KCNMA1: variants seen among roughly 807,000 people sequenced by gnomAD.
The protein encoded by KCNMA1 is potassium calcium-activated channel subfamily M alpha 1, also known as Calcium-activated potassium channel subunit alpha-1.
A neutral mutation model predicts 140.0 loss-of-function variants in KCNMA1; 29 were observed. The observed-to-expected ratio is 0.21, with a 90% CI of 0.15 to 0.28. The LOEUF is 0.28. Among genes scored for constraint, KCNMA1 ranks in the 10% least tolerant of loss-of-function variants. The probability of loss-of-function intolerance (pLI) is 1.00; values close to 1 mark genes in which losing one functional copy is unlikely to be tolerated. For synonymous variants in KCNMA1, 612 were observed against 611.9 expected (o/e 1.00, Z 0.00); for missense variants, 880 against 1,602.2 (o/e 0.55, Z 7.70).
intron 9 of KCNMA1, among the ~76,000 whole-genome samples, chr10:77,093,379 T>C (rs984464297): frequency 6.6e-6 from 1 of 152,214 alleles, no homozygotes; most frequent in Non-Finnish European, 1.5e-5. Context: ...GTCCTATATC[T>C]GATTTGAAGA....
chr10:77,398,732 T>C (rs1029495191), intron 2 of KCNMA1, among the ~76,000 whole-genome samples: 3 of 152,242 alleles, frequency 2.0e-5, no homozygotes, highest in South Asian at 2.1e-4. Context: ...GGAGCCCACA[T>C]GGTCTGCAAG....
chr10:77,516,959 T>G (rs1603631865), intron 1 of KCNMA1, among the ~76,000 whole-genome samples: 2 of 138,934 alleles, frequency 1.4e-5, no homozygotes, highest in African/African-American at 2.8e-5. Flanking sequence ...GAAGTGAGGG[T>G]GAGGGTGTTT....
chr10:77,071,155 G>C (rs1361648757), intron 14 of KCNMA1: 3 of 152,262 alleles, frequency 2.0e-5, no homozygotes, highest in Non-Finnish European at 4.4e-5. Flanking sequence ...CTTGGCTTTA[G>C]AGGTGAGGCC....
In KCNMA1 at chr10:77,500,051, T is replaced by C. The variant is rs140967827; in HGVS notation, c.379-96028A>G. ...CCATTGGCAAAATATGGTTGAACAA[T>C]AGTTTTAAATACTTGAGAGGCAGCA... On this transcript the variant is annotated intron_variant, in intron 1 of 27. Coordinates refer to ENST00000286628, the MANE Select transcript of KCNMA1 (RefSeq NM_001161352.2). Among the ~76,000 whole-genome samples, 522 of 152,016 alleles carry C rather than the reference T, an allele frequency of 3.4e-3. 4 individuals are homozygous for C. Among genetic ancestry groups the C allele is most frequent in the African/African-American group, 0.011 (473 of 41,538 alleles).
intron 17 of KCNMA1, chr10:77,012,663 C>T (rs1041067083): frequency 1.1e-6 from 1 of 880,724 alleles, no homozygotes; most frequent in East Asian, 2.6e-5. Context: ...GACCAATTCC[C>T]ATGCTATCCA....
intron 1 of KCNMA1, among the ~76,000 whole-genome samples, chr10:77,545,505 AGAACCT>A (rs2061241598): frequency 6.6e-6 from 1 of 152,182 alleles, no homozygotes. Flanking sequence ...TAAACTCCCC[AGAACCT>A]GATTTTCACA....
chr10:76,964,149 C>G (rs1329093380), intron 20 of KCNMA1, among the ~76,000 whole-genome samples: 1 of 151,838 alleles, frequency 6.6e-6, no homozygotes, highest in Non-Finnish European at 1.5e-5. Flanking sequence ...TGCCCACCAC[C>G]CTCTCCCCAT....
At chr10:77,081,061 T>G (rs953706617) in intron 12 of KCNMA1, among the ~76,000 whole-genome samples, 21 of 152,142 alleles carry the variant, frequency 1.4e-4, no homozygotes, top group African/African-American at 4.8e-4. Flanking sequence ...AAACTCAATG[T>G]TAAGCATGGC....
At chr10:76,888,035 C>G (rs1034895387) in intron 27 of KCNMA1, 1 of 175,340 alleles carries the variant, frequency 5.7e-6, no homozygotes, top group African/African-American at 2.4e-5. Flanking sequence ...AACCTGCCTA[C>G]TTATCAGCAC....
chr10:77,577,149 G>C (rs1603637401), intron 1 of KCNMA1, among the ~76,000 whole-genome samples: 1 of 151,346 alleles, frequency 6.6e-6, no homozygotes, highest in African/African-American at 2.4e-5. Flanking sequence ...CCGGGTTCAA[G>C]CAATTCTCTG....
chr10:77,122,233 G>A (rs907983740), intron 5 of KCNMA1, among the ~76,000 whole-genome samples: 4 of 152,162 alleles, frequency 2.6e-5, no homozygotes, highest in Non-Finnish European at 5.9e-5. Context: ...AGTTCATGGG[G>A]TGGGGGAAAA....
chr10:77,010,666 G>A (rs918453105), intron 18 of KCNMA1, among the ~76,000 whole-genome samples: 1 of 151,948 alleles, frequency 6.6e-6, no homozygotes, highest in Non-Finnish European at 1.5e-5. Context: ...TTTCCCCATG[G>A]GTTGAGGAAC....
At chr10:77,333,791 C>T (rs1050018315) in intron 2 of KCNMA1, among the ~76,000 whole-genome samples, 2 of 152,124 alleles carry the variant, frequency 1.3e-5, no homozygotes, top group Admixed American at 6.5e-5. Context: ...TGAAGTGTTG[C>T]CTAATTGAGG....
chr10:77,080,882 A>G (rs2153737792), intron 12 of KCNMA1, among the ~76,000 whole-genome samples: 1 of 152,360 alleles, frequency 6.6e-6, no homozygotes, highest in Admixed American at 6.5e-5. Context: ...ATGCTTGGCC[A>G]CTATCACAAA....
At chr10:76,920,744 G>T (rs1438047010) in intron 23 of KCNMA1, among the ~76,000 whole-genome samples, 1 of 152,232 alleles carries the variant, frequency 6.6e-6, no homozygotes, top group Non-Finnish European at 1.5e-5. Context: ...CCTGACACCT[G>T]CAGGCTGTGC....
intron 3 of KCNMA1, among the ~76,000 whole-genome samples, chr10:77,245,095 AG>A (rs2058258661): frequency 6.6e-6 from 1 of 151,596 alleles, no homozygotes; most frequent in Non-Finnish European, 1.5e-5. Flanking sequence ...AAAAACAGGG[AG>A]GTGCTTTGCA....
chr10:77,386,993 C>A (rs2095625628), intron 2 of KCNMA1, among the ~76,000 whole-genome samples: 2 of 152,074 alleles, frequency 1.3e-5, no homozygotes, highest in African/African-American at 4.8e-5. Flanking sequence ...GGGAGTGGGG[C>A]ACAGGGAAAG....
chr10:77,025,394 G>A, intron 16 of KCNMA1: 1 of 1,513,612 alleles, frequency 6.6e-7, no homozygotes. Flanking sequence ...CTGTGGTTAG[G>A]AGTGAAGATA....
intron 25 of KCNMA1, among the ~76,000 whole-genome samples, chr10:76,898,361 C>G (rs2152074043): frequency 6.6e-6 from 1 of 151,898 alleles, no homozygotes; most frequent in African/African-American, 2.4e-5. Context: ...TAGAATTACA[C>G]TAGAATAAAT....
Sources: allele counts gnomAD v4.1 joint callset (sites outside exome capture counted in the v4.1 genomes callset), GRCh38; gene constraint gnomAD v4.1.1; transcripts MANE v1.5; gene names NCBI Gene and HGNC (gene_info 2026-07-23, HGNC 2026-07-21).